The following CRB1 variants were observed in gnomAD, a reference collection of about 807,000 sequenced individuals.
CRB1 encodes crumbs cell polarity complex component 1.
Under a neutral mutation model 120.0 loss-of-function variants are expected in CRB1, and 83 were observed. That is an observed-to-expected ratio of 0.69 (90% confidence interval 0.58 to 0.83). The LOEUF is 0.83. CRB1 is among the 40% of genes least tolerant of loss of function. The pLI is 0.00. For missense variants in CRB1, 1,699 were observed against 1,687.6 expected (o/e 1.01, Z -0.12); for synonymous variants, 625 against 612.5 (o/e 1.02, Z -0.30).
At chr1:197,289,139 A>G (rs1260988843) in intron 1 of CRB1, among the ~76,000 whole-genome samples, 2 of 151,718 alleles carry the variant, frequency 1.3e-5, no homozygotes, top group African/African-American at 4.8e-5. Flanking sequence ...CAAAAGCAAA[A>G]CAAAACAAAA....
In CRB1 at chr1:197,364,759, T is replaced by C. The variant is rs188518056; in HGVS notation, c.1171+7746T>C. Among the ~76,000 whole-genome samples, 501 of 152,294 alleles carry C rather than the reference T, an allele frequency of 3.3e-3. 1 individual carries two copies. Among genetic ancestry groups the C allele is most frequent in the Middle Eastern group, 0.014 (4 of 294 alleles). On this transcript the variant is annotated intron_variant, in intron 5 of 11. Coordinates refer to ENST00000367400, the MANE Select transcript of CRB1 (RefSeq NM_201253.3). Reference sequence around the variant, plus strand: ...TGTTCTTTTAAGCAACATATGTTTTTGCTGATACTTCTGTTTTTTCTTCAT... The same window carrying C: ...TGTTCTTTTAAGCAACATATGTTTTCGCTGATACTTCTGTTTTTTCTTCAT...
At chr1:197,355,175 G>A (rs1571893251) in intron 4 of CRB1, among the ~76,000 whole-genome samples, 1 of 151,654 alleles carries the variant, frequency 6.6e-6, no homozygotes, top group East Asian at 2.0e-4. Flanking sequence ...CCCTTAGCTA[G>A]ACATAAATAT....
the CRB1 span, among the ~76,000 whole-genome samples, chr1:197,211,902 C>T: frequency 0.014 from 2,145 of 151,740 alleles, 49 homozygotes; most frequent in African/African-American, 0.046. Context: ...AAAGAACTTA[C>T]ATCTAGAATA....
intron 11 of CRB1, among the ~76,000 whole-genome samples, chr1:197,465,092 A>G (rs1474471296): frequency 6.6e-6 from 1 of 152,204 alleles, no homozygotes; most frequent in African/African-American, 2.4e-5. Flanking sequence ...ACTGTATATA[A>G]CACAGACTTA....
chr1:197,231,070 G>A, the CRB1 span, among the ~76,000 whole-genome samples: 1 of 152,130 alleles, frequency 6.6e-6, no homozygotes, highest in African/African-American at 2.4e-5. Context: ...GGAGAGAAAT[G>A]CTATAAAATG....
chr1:197,293,520 T>G (rs547637465), intron 1 of CRB1, among the ~76,000 whole-genome samples: 233 of 152,230 alleles, frequency 1.5e-3, no homozygotes, highest in African/African-American at 5.4e-3. Context: ...GCCATCCCCA[T>G]CAAGCTACCA....
chr1:197,334,390 C>A (rs1659028492), intron 2 of CRB1, among the ~76,000 whole-genome samples: 1 of 152,122 alleles, frequency 6.6e-6, no homozygotes, highest in Non-Finnish European at 1.5e-5. Context: ...ACATAATCAC[C>A]AATGCAATAG....
At chr1:197,277,458 C>G (rs1655276294) in intron 1 of CRB1, among the ~76,000 whole-genome samples, 1 of 151,970 alleles carries the variant, frequency 6.6e-6, no homozygotes, top group Admixed American at 6.6e-5. Flanking sequence ...GAGACCAGCT[C>G]TGTACAACAA....
intron 11 of CRB1, among the ~76,000 whole-genome samples, chr1:197,445,278 C>A (rs190201594): frequency 1.3e-5 from 2 of 152,274 alleles, no homozygotes; most frequent in African/African-American, 4.8e-5. Context: ...TAACATTAAA[C>A]TAAACAGGGC....
At chr1:197,338,455 G>A (rs1397546534) in intron 2 of CRB1, among the ~76,000 whole-genome samples, 1 of 152,140 alleles carries the variant, frequency 6.6e-6, no homozygotes, top group African/African-American at 2.4e-5. Context: ...GGAAGTAGGA[G>A]AATTTCCTCC....
chr1:197,362,305 G>A (rs1025888232), intron 5 of CRB1, among the ~76,000 whole-genome samples: 2 of 152,024 alleles, frequency 1.3e-5, no homozygotes, highest in Non-Finnish European at 2.9e-5. Context: ...ATGGTTGCCT[G>A]AATAAAAATT....
In CRB1 at chr1:197,268,335, T is replaced by G; in HGVS notation, c.-78T>G. ...GGGTTCTGAGGCACCCGCTCCTCTC[T>G]GAGACAGACAGGGATCAGGAGCCGG... On this transcript the variant is annotated 5_prime_UTR_variant, in exon 1 of 12. An upstream open reading frame in the 5' UTR loses its in-frame stop. Transcript: ENST00000367400. The G allele has an allele frequency of 9.3e-7, 1 of 1,075,406 alleles. No homozygotes were observed. Among genetic ancestry groups the G allele is most frequent in the Non-Finnish European group, 1.5e-6 (1 of 689,320 alleles). The allele number at this position is 1,075,406 out of a possible 1,614,324, so 66.6% of individuals were successfully genotyped here. A position where few individuals can be genotyped will look rare whatever the true frequency, so the allele number is the denominator to read the frequency against.
At chr1:197,382,467 A>G (rs1440872288) in intron 5 of CRB1, among the ~76,000 whole-genome samples, 2 of 152,222 alleles carry the variant, frequency 1.3e-5, no homozygotes, top group Admixed American at 6.5e-5. Context: ...TTTTAATTTG[A>G]TAATTCATCC....
At chr1:197,249,302 T>C in the CRB1 span, among the ~76,000 whole-genome samples, 24 of 152,082 alleles carry the variant, frequency 1.6e-4, no homozygotes, top group African/African-American at 4.8e-4. Flanking sequence ...CATTTTTTTT[T>C]CCTAAACTTG....
chr1:197,243,074 A>G, the CRB1 span, among the ~76,000 whole-genome samples: 12 of 149,622 alleles, frequency 8.0e-5, no homozygotes, highest in Non-Finnish European at 1.2e-4. Flanking sequence ...TTTCTCCTTC[A>G]TTAGTCTGGC....
the CRB1 span, among the ~76,000 whole-genome samples, chr1:197,212,071 A>G: frequency 1.3e-5 from 2 of 152,312 alleles, no homozygotes; most frequent in East Asian, 3.9e-4. Flanking sequence ...TAAAACCACA[A>G]TGAGATACCA....
At chr1:197,415,641 CTTTTTTT>C (rs55654070) in intron 5 of CRB1, among the ~76,000 whole-genome samples, 1 of 94,006 alleles carries the variant, frequency 1.1e-5, no homozygotes, top group Non-Finnish European at 1.9e-5. Context: ...TTTTTCTTTT[CTTTTTTT>C]TTTTTTTTTT....
At chr1:197,404,442 A>AG (rs1491468030) in intron 5 of CRB1, among the ~76,000 whole-genome samples, 642 of 51,822 alleles carry the variant, frequency 0.012, 9 homozygotes, top group African/African-American at 0.08. Flanking sequence ...ACTCCGTCTC[A>AG]AAAAAAAAAA....
intron 11 of CRB1, chr1:197,447,590 C>T (rs1032870712): frequency 1.7e-4 from 26 of 151,952 alleles, no homozygotes; most frequent in African/African-American, 5.3e-4. Context: ...ATCTGTAATC[C>T]CAGCATTTTG....
Sources: allele counts gnomAD v4.1 joint callset (sites outside exome capture counted in the v4.1 genomes callset), GRCh38; gene constraint gnomAD v4.1.1; transcripts MANE v1.5; gene names NCBI Gene and HGNC (gene_info 2026-07-23, HGNC 2026-07-21).